TAFA5: variants seen among roughly 807,000 people sequenced by gnomAD.
TAFA5 encodes chemokine-like protein TAFA-5.
A neutral mutation model predicts 15.3 loss-of-function variants in TAFA5; 6 were observed. That is an observed-to-expected ratio of 0.39 (90% confidence interval 0.21 to 0.77). The LOEUF is 0.77. Ranked by LOEUF, TAFA5 falls within the 30% of genes least tolerant of loss-of-function variation. The probability of loss-of-function intolerance (pLI) is 0.41; values close to 1 mark genes in which losing one functional copy is unlikely to be tolerated. For synonymous variants in TAFA5, 103 were observed against 80.7 expected, an observed-to-expected ratio of 1.28 and a Z score of -1.48; for missense variants, 161 against 193.1, an observed-to-expected ratio of 0.83 and a Z score of 0.98.
chr22:48,636,119 C>T (rs1390891048), intron 1 of TAFA5, among the ~76,000 whole-genome samples: 1 of 152,250 alleles, frequency 6.6e-6, no homozygotes, highest in African/African-American at 2.4e-5. Flanking sequence ...CCAGAAGGGC[C>T]ATGGGAGGGG....
At chr22:48,497,527 G>C (rs1928375513) in intron 1 of TAFA5, among the ~76,000 whole-genome samples, 1 of 123,646 alleles carries the variant, frequency 8.1e-6, no homozygotes, top group Non-Finnish European at 1.7e-5. Context: ...CGGGGCTGAG[G>C]GTCAGAGGAG....
At position 48,583,111 on chromosome 22, in the gene TAFA5, CCA is replaced by C. The variant is rs1216409700; in HGVS notation, c.113-63477_113-63476del. ...CCCCACACACAAAATACACCACACG[CCA>C]CACACACATCACACGCCACACACAC... On this transcript the variant is annotated intron_variant, in intron 1 of 3. Transcript: ENST00000402357. 4.7e-5 allele frequency among the ~76,000 whole-genome samples: 7 copies of C among 149,586 alleles called. No homozygotes were observed. The East Asian group carries it at 1.0e-3, about 22-fold the overall frequency.
intron 2 of TAFA5, among the ~76,000 whole-genome samples, chr22:48,678,652 C>G (rs1233791768): frequency 6.6e-6 from 1 of 151,508 alleles, no homozygotes; most frequent in African/African-American, 2.4e-5. Context: ...AAAGTGTCCT[C>G]AGCCCACCCA....
rs547449778 is a variant in TAFA5, at chr22:48,700,729, C to A, written c.263-6988C>A. 6.6e-5 allele frequency among the ~76,000 whole-genome samples: 10 copies of A among 152,292 alleles called. No individual in the cohort carries two copies. The East Asian group carries it at 1.7e-3, about 27-fold the overall frequency. ...GCAGGCCGGATGAGAGCTTGTCTGG[C>A]AGCTCTGAGATCATCACAGGTTCTC... On this transcript the variant is annotated intron_variant, in intron 2 of 3. Coordinates refer to ENST00000402357, the MANE Select transcript of TAFA5 (RefSeq NM_001082967.3).
At chr22:48,644,055 C>G (rs1450147979) in intron 1 of TAFA5, among the ~76,000 whole-genome samples, 2 of 152,238 alleles carry the variant, frequency 1.3e-5, no homozygotes, top group Non-Finnish European at 2.9e-5. Flanking sequence ...CGCTGTTATC[C>G]AGAGAGAAGC....
chr22:48,648,998 T>C (rs1348323635), intron 2 of TAFA5, among the ~76,000 whole-genome samples: 2 of 152,178 alleles, frequency 1.3e-5, no homozygotes, highest in Non-Finnish European at 2.9e-5. Flanking sequence ...TCTGGGTGTC[T>C]CATTGATGAG....
At chr22:48,688,080 TTG>T (rs1276601249) in intron 2 of TAFA5, among the ~76,000 whole-genome samples, 2 of 140,184 alleles carry the variant, frequency 1.4e-5, no homozygotes, top group African/African-American at 5.1e-5. Flanking sequence ...GGGTTTTTTA[TTG>T]TTTTTTTGTG....
At chr22:48,665,339 T>C (rs1927574951) in intron 2 of TAFA5, among the ~76,000 whole-genome samples, 1 of 152,202 alleles carries the variant, frequency 6.6e-6, no homozygotes, top group Admixed American at 6.5e-5. Flanking sequence ...TGGCTGGCCT[T>C]CTTATTTGCT....
chr22:48,621,637 C>T (rs1410139921), intron 1 of TAFA5, among the ~76,000 whole-genome samples: 4 of 152,158 alleles, frequency 2.6e-5, no homozygotes, highest in African/African-American at 4.8e-5. Context: ...CGGCTGTGGC[C>T]GCAGAGTGGC....
At position 48,645,778 on chromosome 22, in the gene TAFA5, T is replaced by G. The variant is rs376320699; in HGVS notation, c.113-819T>G. Among the ~76,000 whole-genome samples, 176 of 152,192 alleles carry G rather than the reference T, an allele frequency of 1.2e-3. No individual in the cohort carries two copies. The Middle Eastern group carries it at 0.014, about 12-fold the overall frequency. On this transcript the variant is annotated intron_variant, in intron 1 of 3. Coordinates refer to ENST00000402357, the MANE Select transcript of TAFA5 (RefSeq NM_001082967.3). ...GTGTCTGCATGGGCACGTGCACCCC[T>G]GGGGAGCATGTCCTCATGTGCTGCT... is the stretch of plus-strand genomic sequence containing the variant.
chr22:48,573,811 C>T (rs571005871), intron 1 of TAFA5, among the ~76,000 whole-genome samples: 10 of 152,246 alleles, frequency 6.6e-5, no homozygotes, highest in Admixed American at 2.6e-4. Context: ...CCTTGGTGAA[C>T]GTAGCACACT....
chr22:48,512,089 T>G (rs1171977879), intron 1 of TAFA5, among the ~76,000 whole-genome samples: 1 of 152,200 alleles, frequency 6.6e-6, no homozygotes, highest in Non-Finnish European at 1.5e-5. Flanking sequence ...GCCACCCGAT[T>G]CCGTGTGTGC....
intron 1 of TAFA5, among the ~76,000 whole-genome samples, chr22:48,526,332 G>A (rs1458983294): frequency 2.0e-5 from 3 of 152,206 alleles, no homozygotes; most frequent in African/African-American, 7.2e-5. Context: ...CCACCTGCAG[G>A]GATCCTTCAC....
At chr22:48,594,314 G>T (rs1000301629) in intron 1 of TAFA5, among the ~76,000 whole-genome samples, 1 of 152,200 alleles carries the variant, frequency 6.6e-6, no homozygotes, top group Admixed American at 6.5e-5. Context: ...GGAGAGAAAT[G>T]GGGGGACCAG....
chr22:48,586,395 CATG>C (rs1924362530), intron 1 of TAFA5, among the ~76,000 whole-genome samples: 1 of 152,268 alleles, frequency 6.6e-6, no homozygotes, highest in Non-Finnish European at 1.5e-5. Context: ...CCACCTGCAG[CATG>C]ATACCAGGCT....
intron 1 of TAFA5, among the ~76,000 whole-genome samples, chr22:48,633,442 G>A (rs1307303200): frequency 6.6e-6 from 1 of 151,922 alleles, no homozygotes; most frequent in East Asian, 1.9e-4. Context: ...CACGTGCAGG[G>A]GCTCTTCTCT....
intron 1 of TAFA5, among the ~76,000 whole-genome samples, chr22:48,597,508 C>T (rs1463261253): frequency 6.6e-6 from 1 of 151,180 alleles, no homozygotes; most frequent in Non-Finnish European, 1.5e-5. Flanking sequence ...AGTTTCCCTG[C>T]CGGTCCCCTC....
chr22:48,545,302 C>T (rs1345982064), intron 1 of TAFA5: 1 of 245,728 alleles, frequency 4.1e-6, no homozygotes, highest in African/African-American at 2.2e-5. Flanking sequence ...TGGCCCCTGC[C>T]TCAGAGGGGG....
intron 1 of TAFA5, among the ~76,000 whole-genome samples, chr22:48,507,402 C>G (rs917894299): frequency 6.6e-6 from 1 of 152,172 alleles, no homozygotes; most frequent in Non-Finnish European, 1.5e-5. Context: ...CAGAGAGGCT[C>G]CTGTGAACCC....
Sources: gnomAD v4.1 joint callset for allele counts (sites outside exome capture counted in the v4.1 genomes callset) on GRCh38, gnomAD v4.1.1 for gene constraint, MANE v1.5 for transcripts, NCBI Gene and HGNC (gene_info 2026-07-23, HGNC 2026-07-21) for gene names.